TNS1: variants seen among roughly 807,000 people sequenced by gnomAD.
TNS1 encodes tensin-1.
In TNS1, 62 loss-of-function variants were observed where a neutral mutation model predicts 168.6. The observed-to-expected ratio is 0.37, with a 90% CI of 0.30 to 0.45. TNS1 has a LOEUF of 0.45. Among genes scored for constraint, TNS1 ranks in the 20% least tolerant of loss-of-function variants. The probability of loss-of-function intolerance (pLI) is 1.00; values close to 1 mark genes in which losing one functional copy is unlikely to be tolerated. For synonymous variants in TNS1, 934 were observed against 933.2 expected (o/e 1.00, Z -0.02); for missense variants, 2,240 against 2,339.4 (o/e 0.96, Z 0.88).
chr2:217,890,587 G>A (rs774124684), intron 12 of TNS1: 6 of 221,004 alleles, frequency 2.7e-5, no homozygotes, highest in Non-Finnish European at 5.4e-5. Context: ...ACAGCAGGGG[G>A]CAGTGATGCA....
At chr2:217,855,105 T>A (rs919278904) in intron 18 of TNS1, among the ~76,000 whole-genome samples, 9 of 152,124 alleles carry the variant, frequency 5.9e-5, no homozygotes, top group African/African-American at 2.2e-4. Context: ...TGCTTTACAT[T>A]TCAACAGCTC....
intron 19 of TNS1, chr2:217,841,988 A>T (rs1946032520): frequency 2.9e-6 from 2 of 686,988 alleles, no homozygotes; most frequent in Non-Finnish European, 5.3e-6. Context: ...CCTTCACACC[A>T]CAGGGGCCAC....
rs1302022247 is a variant in TNS1, at chr2:217,922,432, G to C, written c.187-2196C>G. 2.0e-5 allele frequency among the ~76,000 whole-genome samples: 3 copies of C among 152,200 alleles called. No individual in the cohort carries two copies. In the East Asian group the frequency reaches 5.8e-4, roughly 30 times the overall value. On this transcript the variant is annotated intron_variant, in intron 3 of 32. Coordinates refer to ENST00000682258, the MANE Select transcript of TNS1 (RefSeq NM_001387777.1). ...AGCACCCTTGCTGTGTTCTTTTTCT[G>C]AGCTTGGGCTGGGCAGGGACCGCGA...
rs565947898 is a variant in TNS1, at chr2:217,918,280, G to A, written c.228+1915C>T. 9.8e-5 allele frequency among the ~76,000 whole-genome samples: 15 copies of A among 152,320 alleles called. No individual in the cohort carries two copies. In the South Asian group the frequency reaches 2.3e-3, roughly 23 times the overall value. Reference sequence around the variant, plus strand: ...CAGGGAGGTTAGCAATGTCAGGGTCGTACACCAGGGAGCGGGGGAGCTGGG... The same window carrying A: ...CAGGGAGGTTAGCAATGTCAGGGTCATACACCAGGGAGCGGGGGAGCTGGG... On this transcript the variant is annotated intron_variant, in intron 4 of 32. Transcript: ENST00000682258.
intron 23 of TNS1, among the ~76,000 whole-genome samples, chr2:217,819,778 G>A (rs1484495597): frequency 6.6e-6 from 1 of 152,174 alleles, no homozygotes; most frequent in African/African-American, 2.4e-5. Flanking sequence ...GGTTGACAGG[G>A]GCCTTACATA....
At position 217,848,714 on chromosome 2, in the gene TNS1, A is replaced by G; in HGVS notation, c.1803T>C (p.Ser601=). The change falls in exon 19 of 33, where the codon TCT becomes TCC. Residue 601 remains serine, a synonymous_variant. Transcript: ENST00000682258. ...CCTGGGCTGGGACAACGTGGCGTCC[A>G]GAGGAGGGCACAGCCGAGCCCCCTG... ...RPAGGSAVPS[S]GRHVVPAQVH... 1 of 1,614,224 alleles carries G rather than the reference A, an allele frequency of 6.2e-7. No individual in the cohort carries two copies. Among genetic ancestry groups the G allele is most frequent in the Non-Finnish European group, 8.5e-7 (1 of 1,180,028 alleles).
At chr2:217,916,465 C>G (rs1478682913) in intron 4 of TNS1, among the ~76,000 whole-genome samples, 1 of 152,200 alleles carries the variant, frequency 6.6e-6, no homozygotes, top group Non-Finnish European at 1.5e-5. Context: ...GGTGGCCAAC[C>G]CATTTGGCGA....
rs539858587 is a variant in TNS1 at position 217,961,256 on chromosome 2, C to CAGAGAG, written c.186+17508_186+17509insCTCTCT. ...TCTCTCACACACACACACACACACA[C>CAGAGAG]ACACAGAGAGAGAGAGAGAGAGAGG... On this transcript the variant is annotated intron_variant, in intron 3 of 32. Transcript: ENST00000682258. 3.7e-3 allele frequency among the ~76,000 whole-genome samples: 519 copies of CAGAGAG among 141,084 alleles called. 5 individuals are homozygous for CAGAGAG. The highest frequency in any genetic ancestry group is 0.012 in the African/African-American group (460 of 37,024). The allele number at this position is 141,084 out of a possible 152,430, so 92.6% of individuals were successfully genotyped here.
At chr2:217,890,821 G>T in intron 12 of TNS1, 141 bp downstream of exon 12, 1 of 822,076 alleles carries the variant, frequency 1.2e-6, no homozygotes, top group Non-Finnish European at 2.0e-6. Flanking sequence ...TCACACCACT[G>T]CAGGCTGGCA....
intron 3 of TNS1, among the ~76,000 whole-genome samples, chr2:217,940,975 C>T (rs1308128009): frequency 6.6e-6 from 1 of 152,198 alleles, no homozygotes; most frequent in African/African-American, 2.4e-5. Flanking sequence ...CTCCCCCACT[C>T]ACCCTCCTAA....
chr2:217,871,236 T>C (rs1481495612), intron 18 of TNS1, among the ~76,000 whole-genome samples: 1 of 152,178 alleles, frequency 6.6e-6, no homozygotes, highest in Non-Finnish European at 1.5e-5. Context: ...CAGCCCTTTG[T>C]CCTATATGAT....
chr2:218,025,295 G>C (rs1896490), intron 1 of TNS1, among the ~76,000 whole-genome samples: 85,459 of 152,010 alleles, frequency 0.56, 25,963 homozygotes, highest in African/African-American at 0.78. Flanking sequence ...GTCACCCAGG[G>C]TGGAGTGCAG....
intron 2 of TNS1, among the ~76,000 whole-genome samples, chr2:217,980,526 G>A (rs1411282667): frequency 6.8e-6 from 1 of 148,060 alleles, no homozygotes; most frequent in African/African-American, 2.6e-5. Flanking sequence ...GAGAGAGAGA[G>A]AGAGAGAGAG....
intron 5 of TNS1, 140 bp downstream of exon 5, chr2:217,907,070 T>A: frequency 1.9e-6 from 1 of 533,624 alleles, no homozygotes; most frequent in Non-Finnish European, 3.6e-6. Flanking sequence ...ACTACTTCCC[T>A]GCAAGTTCCC....
At chr2:217,960,627 C>T (rs75746429) in intron 3 of TNS1, among the ~76,000 whole-genome samples, 18,028 of 152,208 alleles carry the variant, frequency 0.12, 1,096 homozygotes, top group Middle Eastern at 0.16. Context: ...CACCTCCAGA[C>T]ACACACCCCA....
chr2:217,898,407 C>T (rs915216857), intron 7 of TNS1, among the ~76,000 whole-genome samples: 1 of 152,226 alleles, frequency 6.6e-6, no homozygotes, highest in Admixed American at 6.5e-5. Context: ...AGAGCCTGCG[C>T]TGGGCGCTCT....
intron 3 of TNS1, among the ~76,000 whole-genome samples, chr2:217,958,029 A>ACACACACACACACACACACAC (rs1559387618): frequency 6.6e-5 from 10 of 151,854 alleles, no homozygotes; most frequent in South Asian, 2.1e-4. Flanking sequence ...ACACACACAC[A>ACACACACACACACACACACAC]AAAGGAGGAG....
intron 1 of TNS1, among the ~76,000 whole-genome samples, chr2:218,029,610 A>G (rs559030105): frequency 1.3e-5 from 2 of 152,406 alleles, no homozygotes; most frequent in Admixed American, 1.3e-4. Flanking sequence ...CCAGGAATAT[A>G]GATAAAGTTC....
chr2:217,956,309 T>G (rs916883212), intron 3 of TNS1, among the ~76,000 whole-genome samples: 2 of 152,084 alleles, frequency 1.3e-5, no homozygotes, highest in African/African-American at 4.8e-5. Context: ...GGCCACTCTT[T>G]GAACTTTGGG....
Sources: gnomAD v4.1 joint callset for allele counts (sites outside exome capture counted in the v4.1 genomes callset) on GRCh38, gnomAD v4.1.1 for gene constraint, MANE v1.5 for transcripts, NCBI Gene and HGNC (gene_info 2026-07-23, HGNC 2026-07-21) for gene names.